The following HACD2 variants were observed in gnomAD, a reference collection of about 807,000 sequenced individuals.
HACD2 encodes the protein very-long-chain (3R)-3-hydroxyacyl-CoA dehydratase 2.
In HACD2, 15 loss-of-function variants were observed where a neutral mutation model predicts 31.0. The observed-to-expected ratio is 0.48, with a 90% CI of 0.32 to 0.75. The LOEUF is 0.75. Among genes scored for constraint, HACD2 ranks in the 30% least tolerant of loss-of-function variants. The pLI is 0.03. For synonymous variants in HACD2, 115 were observed against 122.2 expected (o/e 0.94, Z 0.39); for missense variants, 283 against 313.0 (o/e 0.90, Z 0.72).
At chr3:123,524,402 T>C (rs994543666) in intron 4 of HACD2, among the ~76,000 whole-genome samples, 1 of 152,150 alleles carries the variant, frequency 6.6e-6, no homozygotes, top group Non-Finnish European at 1.5e-5. Flanking sequence ...GGAGAGAGGC[T>C]AATTAGAAGG....
At chr3:123,565,652 T>C (rs898672687) in intron 3 of HACD2, among the ~76,000 whole-genome samples, 3 of 152,100 alleles carry the variant, frequency 2.0e-5, no homozygotes, top group African/African-American at 7.2e-5. Flanking sequence ...CCGGCTAAGA[T>C]ACTTGGAAAA....
At chr3:123,517,777 T>C (rs2056156208) in intron 4 of HACD2, among the ~76,000 whole-genome samples, 1 of 152,308 alleles carries the variant, frequency 6.6e-6, no homozygotes, top group African/African-American at 2.4e-5. Context: ...AGTGTAATAA[T>C]TGCAAAAATT....
chr3:123,533,710 GCCAGATA>G (rs986701459), intron 3 of HACD2, among the ~76,000 whole-genome samples: 2 of 152,172 alleles, frequency 1.3e-5, no homozygotes, highest in African/African-American at 4.8e-5. Context: ...CCTACTCTGT[GCCAGATA>G]CCACTCTCCA....
At chr3:123,532,113 CT>C (rs1201519733) in intron 3 of HACD2, among the ~76,000 whole-genome samples, 4 of 152,160 alleles carry the variant, frequency 2.6e-5, no homozygotes, top group Non-Finnish European at 5.9e-5. Flanking sequence ...CTTAGCACAC[CT>C]TTGGCAGTAA....
intron 4 of HACD2, among the ~76,000 whole-genome samples, chr3:123,512,413 C>T (rs150910870): frequency 0.02 from 3,114 of 152,288 alleles, 83 homozygotes; most frequent in South Asian, 0.031. Flanking sequence ...ATAAGATTCA[C>T]CTGAGACTCG....
intron 2 of HACD2, among the ~76,000 whole-genome samples, chr3:123,574,499 T>C (rs1212378635): frequency 6.6e-6 from 1 of 152,226 alleles, no homozygotes; most frequent in Non-Finnish European, 1.5e-5. Context: ...ATAGGTTTAT[T>C]ATTCTCCTGC....
At chr3:123,507,115 GGGT>G (rs998525160) in intron 4 of HACD2, among the ~76,000 whole-genome samples, 1 of 152,096 alleles carries the variant, frequency 6.6e-6, no homozygotes, top group Non-Finnish European at 1.5e-5. Flanking sequence ...AAAGTAGCCA[GGGT>G]GGTGGTGCAC....
At chr3:123,556,310 G>A (rs986803850) in intron 3 of HACD2, among the ~76,000 whole-genome samples, 18 of 151,592 alleles carry the variant, frequency 1.2e-4, no homozygotes, top group Non-Finnish European at 2.2e-4. Context: ...GGTGGTGCAC[G>A]CCTGTAGTCC....
chr3:123,511,785 C>T (rs1305925928), intron 4 of HACD2, among the ~76,000 whole-genome samples: 1 of 152,154 alleles, frequency 6.6e-6, no homozygotes, highest in Non-Finnish European at 1.5e-5. Context: ...ACAATCATTT[C>T]TTTTTTGTTT....
At chr3:123,565,515 C>G (rs2107745699) in intron 3 of HACD2, among the ~76,000 whole-genome samples, 1 of 152,298 alleles carries the variant, frequency 6.6e-6, no homozygotes, top group East Asian at 1.9e-4. Context: ...GCAACAGGCC[C>G]TCACCAGACA....
At chr3:123,559,040 T>C (rs892978898) in intron 3 of HACD2, among the ~76,000 whole-genome samples, 23 of 152,252 alleles carry the variant, frequency 1.5e-4, no homozygotes, top group African/African-American at 5.5e-4. Context: ...ATCAGGGCAA[T>C]GTAGACAGCT....
At chr3:123,519,138 T>C (rs2056182776) in intron 4 of HACD2, among the ~76,000 whole-genome samples, 1 of 151,972 alleles carries the variant, frequency 6.6e-6, no homozygotes, top group Non-Finnish European at 1.5e-5. Context: ...GCCTAATAAT[T>C]AGTTTTTCTG....
chr3:123,584,857 C>A lies in HACD2; in HGVS notation c.155+16G>T. On this transcript the variant is annotated intron_variant, in intron 1 of 6. Coordinates refer to ENST00000383657, the MANE Select transcript of HACD2 (RefSeq NM_198402.5). ...CGGCCGCGCTGGCTCCCCGCCTCCCCGAGCCCCAGCCTCACCCGGCTGTCA... is the reference window on the plus strand; with the variant it reads ...CGGCCGCGCTGGCTCCCCGCCTCCCAGAGCCCCAGCCTCACCCGGCTGTCA... 6.7e-7 allele frequency: 1 copy of A among 1,485,672 alleles called. No homozygotes were observed. The allele number at this position is 1,485,672 out of a possible 1,614,324, so 92.0% of individuals were successfully genotyped here.
At position 123,556,903 on chromosome 3, in the gene HACD2, A is replaced by G. The variant is rs949217836; in HGVS notation, c.292+10859T>C. The stretch of plus-strand genomic sequence containing the variant: ...AAATTAAAACAACAACTACCACTAC[A>G]CGCCTATTAGAATGTCTGAAGTCCA... On this transcript the variant is annotated intron_variant, in intron 3 of 6. Transcript: ENST00000383657. 2.6e-5 allele frequency among the ~76,000 whole-genome samples: 4 copies of G among 152,238 alleles called. No homozygotes were observed. The East Asian group carries it at 7.7e-4, about 29-fold the overall frequency.
At chr3:123,542,146 CAAAAAAA>C (rs11391480) in intron 3 of HACD2, among the ~76,000 whole-genome samples, 10 of 41,096 alleles carry the variant, frequency 2.4e-4, no homozygotes, top group African/African-American at 5.2e-4. Flanking sequence ...GACTCCGTCT[CAAAAAAA>C]AAAAAAAAAA....
chr3:123,529,547 A>C (rs1280099776), intron 3 of HACD2, among the ~76,000 whole-genome samples: 1 of 152,158 alleles, frequency 6.6e-6, no homozygotes, highest in African/African-American at 2.4e-5. Flanking sequence ...CAACATAGCG[A>C]GACCTTGTCT....
intron 3 of HACD2, chr3:123,543,780 G>T (rs747976742): frequency 7.9e-6 from 2 of 254,488 alleles, no homozygotes; most frequent in African/African-American, 2.3e-5. Context: ...TTATTGACCA[G>T]CATTGCAGAA....
chr3:123,538,316 A>G (rs1284471880), intron 3 of HACD2, among the ~76,000 whole-genome samples: 1 of 152,224 alleles, frequency 6.6e-6, no homozygotes, highest in African/African-American at 2.4e-5. Flanking sequence ...GGTATTTATA[A>G]GTTCTGTGGA....
intron 2 of HACD2, among the ~76,000 whole-genome samples, chr3:123,576,840 C>A (rs2056912731): frequency 6.6e-6 from 1 of 152,168 alleles, no homozygotes; most frequent in Non-Finnish European, 1.5e-5. Flanking sequence ...AAGGACACTG[C>A]AAGTTTCTAA....
Sources: allele counts gnomAD v4.1 joint callset (sites outside exome capture counted in the v4.1 genomes callset), GRCh38; gene constraint gnomAD v4.1.1; transcripts MANE v1.5; gene names NCBI Gene and HGNC (gene_info 2026-07-23, HGNC 2026-07-21).